AKAP19: variants seen among roughly 807,000 people sequenced by gnomAD.
AKAP19 encodes A-kinase anchoring protein 19.
chr2:190,077,061 C>A, the AKAP19 span, among the ~76,000 whole-genome samples: 3 of 151,926 alleles, frequency 2.0e-5, no homozygotes, highest in Non-Finnish European at 4.4e-5. Context: ...GCCTATTAAT[C>A]TAATCAAGTG....
the AKAP19 span, chr2:190,201,444 A>ATTAT: frequency 6.0e-6 from 1 of 167,054 alleles, no homozygotes; most frequent in Non-Finnish European, 1.5e-5. Flanking sequence ...TGGAAAGGAA[A>ATTAT]TTATTTAAGC....
At chr2:190,033,492 A>G in the AKAP19 span, among the ~76,000 whole-genome samples, 16,455 of 152,212 alleles carry the variant, frequency 0.11, 2,794 homozygotes, top group African/African-American at 0.37. Context: ...TTAGCAATAT[A>G]TCTTTGCAAA....
chr2:190,162,964 T>C, the AKAP19 span, among the ~76,000 whole-genome samples: 1 of 152,234 alleles, frequency 6.6e-6, no homozygotes, highest in African/African-American at 2.4e-5. Flanking sequence ...AAGCAAATAC[T>C]GTTAAAAAGC....
At chr2:190,125,023 A>G in the AKAP19 span, among the ~76,000 whole-genome samples, 2 of 152,138 alleles carry the variant, frequency 1.3e-5, no homozygotes, top group Non-Finnish European at 2.9e-5. Context: ...AGTAACACAC[A>G]TGGAGCTGTC....
chr2:190,179,354 C>T, the AKAP19 span, among the ~76,000 whole-genome samples: 1 of 151,834 alleles, frequency 6.6e-6, no homozygotes, highest in Non-Finnish European at 1.5e-5. The surrounding 1 kb of genome is among the most constrained non-coding windows in gnomAD (Gnocchi z 6.0). Flanking sequence ...TTGCAGTGAG[C>T]CAAGATTGCG....
the AKAP19 span, among the ~76,000 whole-genome samples, chr2:189,909,446 A>G: frequency 9.2e-5 from 14 of 151,804 alleles, no homozygotes; most frequent in South Asian, 2.1e-4. Flanking sequence ...CTCTCTTGCT[A>G]TCTTCCTTGG....
the AKAP19 span, among the ~76,000 whole-genome samples, chr2:190,068,228 C>A: frequency 6.6e-6 from 1 of 152,154 alleles, no homozygotes; most frequent in Admixed American, 6.5e-5. Context: ...TTCCATCCCC[C>A]AAATAGACTA....
At chr2:190,028,689 T>C in the AKAP19 span, among the ~76,000 whole-genome samples, 1 of 152,212 alleles carries the variant, frequency 6.6e-6, no homozygotes, top group Admixed American at 6.5e-5. Context: ...TGGTAAAGTA[T>C]ACAAAGTACA....
the AKAP19 span, among the ~76,000 whole-genome samples, chr2:190,091,952 TAAAC>T: frequency 2.6e-5 from 4 of 152,138 alleles, no homozygotes; most frequent in Non-Finnish European, 5.9e-5. Flanking sequence ...ACTCAGTAAA[TAAAC>T]AAATTGACTG....
chr2:190,017,257 A>G, the AKAP19 span, among the ~76,000 whole-genome samples: 37 of 152,144 alleles, frequency 2.4e-4, no homozygotes, highest in African/African-American at 8.2e-4. Context: ...GTTGGAGAAT[A>G]TAATCCATTT....
the AKAP19 span, chr2:190,180,874 C>A: frequency 2.0e-6 from 2 of 985,160 alleles, no homozygotes; most frequent in Non-Finnish European, 2.4e-6. The surrounding 1 kb of genome is among the most constrained non-coding windows in gnomAD (Gnocchi z 6.8). Context: ...CATGCTGCCA[C>A]TTGGCTGAGC....
chr2:190,036,445 C>T, the AKAP19 span, among the ~76,000 whole-genome samples: 1 of 152,216 alleles, frequency 6.6e-6, no homozygotes, highest in Non-Finnish European at 1.5e-5. Flanking sequence ...AAGAAATGCA[C>T]CTTCTATGTA....
At chr2:190,175,045 G>C in the AKAP19 span, among the ~76,000 whole-genome samples, 14 of 151,722 alleles carry the variant, frequency 9.2e-5, no homozygotes, top group Non-Finnish European at 1.8e-4. Flanking sequence ...TCAGAATTTG[G>C]TGGTGGGGGT....
At chr2:189,968,077 TGA>T in the AKAP19 span, among the ~76,000 whole-genome samples, 4 of 151,606 alleles carry the variant, frequency 2.6e-5, no homozygotes, top group Non-Finnish European at 4.4e-5. Flanking sequence ...TGTTGTAAGT[TGA>T]GAGAGAAAAA....
the AKAP19 span, among the ~76,000 whole-genome samples, chr2:190,148,238 G>T: frequency 6.6e-6 from 1 of 152,128 alleles, no homozygotes; most frequent in Non-Finnish European, 1.5e-5. Context: ...TTTGTCAAAT[G>T]CTTTTTCTGC....
the AKAP19 span, among the ~76,000 whole-genome samples, chr2:189,963,748 T>C: frequency 1.3e-5 from 2 of 151,792 alleles, no homozygotes; most frequent in Admixed American, 1.3e-4. Context: ...ATGGCAGCTA[T>C]AGCCTTCTAT....
chr2:190,120,937 T>C, the AKAP19 span, among the ~76,000 whole-genome samples: 17 of 152,258 alleles, frequency 1.1e-4, no homozygotes, highest in East Asian at 3.9e-4. Context: ...ATCTGACATA[T>C]AGTAGGTTCT....
the AKAP19 span, among the ~76,000 whole-genome samples, chr2:190,022,437 A>G: frequency 6.6e-6 from 1 of 152,194 alleles, no homozygotes; most frequent in Non-Finnish European, 1.5e-5. Flanking sequence ...ATTAATTTGT[A>G]TCTTATTAAC....
chr2:190,039,065 TCCTCTTC>T, the AKAP19 span, among the ~76,000 whole-genome samples: 24 of 148,346 alleles, frequency 1.6e-4, no homozygotes, highest in South Asian at 2.1e-4. Flanking sequence ...TTCCTCTTCT[TCCTCTTC>T]TTTTTTTGTT....
Sources: allele counts gnomAD v4.1 joint callset (sites outside exome capture counted in the v4.1 genomes callset), GRCh38; gene constraint gnomAD v4.1.1; non-coding constraint Gnocchi (gnomAD v3.1); transcripts MANE v1.5; gene names NCBI Gene and HGNC (gene_info 2026-07-23, HGNC 2026-07-21).